The following PRX variants were observed in gnomAD, a reference collection of about 807,000 sequenced individuals.
PRX encodes the protein periaxin.
PRX carries 24 observed loss-of-function variants against 29.6 expected under a neutral mutation model. The observed-to-expected ratio is 0.81, with a 90% CI of 0.59 to 1.14. PRX has a LOEUF of 1.14. Among genes scored for constraint, PRX ranks in the 50% most tolerant of loss-of-function variants. The pLI is 0.00. For synonymous variants in PRX, 772 were observed against 831.7 expected (o/e 0.93, Z 1.24); for missense variants, 1,838 against 1,926.4 (o/e 0.95, Z 0.86).
intron 4 of PRX, among the ~76,000 whole-genome samples, chr19:40,404,689 G>C (rs2145742557): frequency 6.6e-6 from 1 of 152,112 alleles, no homozygotes; most frequent in African/African-American, 2.4e-5. Flanking sequence ...TTCCGCTCCG[G>C]TCTCCCAAGT....
chr19:40,398,447 C>G lies in PRX; in HGVS notation c.381+173G>C. On this transcript the variant is annotated intron_variant, in intron 6 of 6. Coordinates refer to ENST00000324001, the MANE Select transcript of PRX (RefSeq NM_181882.3). This position sits in a 1 kb window ranked among gnomAD's most constrained non-coding sequence, Gnocchi z 6.3. ...CCCTGGGCTGGGGTGGGTCTGTCCC[C>G]CTTCCCGGGGAAGAGTTTGGGGCAG... 2.0e-6 allele frequency: 3 copies of G among 1,516,982 alleles called. No homozygotes were observed. The highest frequency in any genetic ancestry group is 2.6e-6 in the Non-Finnish European group (3 of 1,137,570). The allele number at this position is 1,516,982 out of a possible 1,614,324, so 94.0% of individuals were successfully genotyped here.
In PRX at chr19:40,396,692, T is replaced by C. The variant is rs199629485; in HGVS notation, c.1660A>G (p.Met554Val). 1 of 1,613,926 alleles carries C rather than the reference T, an allele frequency of 6.2e-7. No individual in the cohort carries two copies. Among genetic ancestry groups the C allele is most frequent in the South Asian group, 1.1e-5 (1 of 91,022 alleles). ...ACCTCTGACACCTCTGGGAGTTTCA[T>C]CTCTGACACTTTCGGCAGCTGTACC... ...PEVQLPKVSE[M>V]KLPEVSEVAV... Residue 554 changes from methionine (M) to valine (V), a missense_variant, in exon 7 of 7, where the codon ATG becomes GTG. Coordinates refer to ENST00000324001, the MANE Select transcript of PRX (RefSeq NM_181882.3).
intron 5 of PRX, among the ~76,000 whole-genome samples, chr19:40,400,212 C>G (rs1004852535): frequency 6.9e-6 from 1 of 144,714 alleles, no homozygotes; most frequent in African/African-American, 2.5e-5. Context: ...GAACTCCCGA[C>G]GTCAGGTGAT....
Position 40,395,878 on chromosome 19 carries a change from G to C in PRX, c.2474C>G (p.Ala825Gly), listed in dbSNP as rs1356402303. 1 of 1,614,160 alleles carries C rather than the reference G, an allele frequency of 6.2e-7. No individual in the cohort carries two copies. The highest frequency in any genetic ancestry group is 2.2e-5 in the East Asian group (1 of 44,882). ...TGTTACCAGCTTCCCTGAGACCTCA[G>C]CACCCGCCTCGCCTGGCTTGCCACG... ...PSRGKPGEAG[A>G]EVSGKLVTLP... The change falls in exon 7 of 7, where the codon GCT becomes GGT. Residue 825 changes from alanine (A) to glycine (G), a missense_variant. Coordinates refer to ENST00000324001, the MANE Select transcript of PRX (RefSeq NM_181882.3).
intron 5 of PRX, among the ~76,000 whole-genome samples, chr19:40,402,039 C>T (rs956681180): frequency 6.6e-5 from 10 of 152,142 alleles, no homozygotes; most frequent in African/African-American, 2.4e-4. Context: ...TGCACCCAGC[C>T]AAGCCCACCC....
chr19:40,396,670 T>G lies in PRX; in HGVS notation c.1682A>C (p.Glu561Ala). ...VSEMKLPEVS[E>A]VAVPEVRLPE... The stretch of plus-strand genomic sequence containing the variant: ...AAGCCGCACCTCTGGCACAGCCACC[T>G]CTGACACCTCTGGGAGTTTCATCTC... Residue 561 changes from glutamate (E) to alanine (A), a missense_variant, in exon 7 of 7, where the codon GAG becomes GCG. Coordinates refer to ENST00000324001, the MANE Select transcript of PRX (RefSeq NM_181882.3). The G allele has an allele frequency of 1.9e-6, 3 of 1,613,654 alleles. No homozygotes were observed. Among genetic ancestry groups the G allele is most frequent in the South Asian group, 2.2e-5 (2 of 91,038 alleles).
intron 5 of PRX, among the ~76,000 whole-genome samples, chr19:40,400,382 C>T (rs1234942061): frequency 1.4e-5 from 2 of 144,834 alleles, no homozygotes; most frequent in Non-Finnish European, 3.0e-5. Flanking sequence ...CACCTGAGGT[C>T]GGGAGTTCGA....
Position 40,398,818 on chromosome 19 carries a change from T to G in PRX, c.185-2A>C, listed in dbSNP as rs771929605. ...CTCGGGCACTCAGCAGCTGGTCCCC[T>G]GCGGGCGAGGTGGAGGTGCGCAGCA... On this transcript the variant is annotated splice_acceptor_variant, in intron 5 of 6. Transcript: ENST00000324001. LOFTEE classifies it high-confidence loss of function. This position sits in a 1 kb window ranked among gnomAD's most constrained non-coding sequence, Gnocchi z 6.3. 1.9e-6 allele frequency: 3 copies of G among 1,613,930 alleles called. No individual in the cohort carries two copies. The highest frequency in any genetic ancestry group is 3.3e-5 in the Admixed American group (2 of 60,020).
intron 5 of PRX, among the ~76,000 whole-genome samples, chr19:40,402,790 T>A (rs1413265304): frequency 3.4e-5 from 3 of 87,324 alleles, no homozygotes; most frequent in Admixed American, 2.2e-4. Flanking sequence ...AAAAAAAAAA[T>A]CTCTCCCCAC....
At position 40,396,186 on chromosome 19, in the gene PRX, C is replaced by T; in HGVS notation, c.2166G>A (p.Met722Ile). The change falls in exon 7 of 7, where the codon ATG (methionine) becomes ATA (isoleucine). Residue 722 changes from methionine (M) to isoleucine (I), a missense_variant. Met to Ile is a conservative substitution (Grantham distance 10, BLOSUM62 1). Transcript: ENST00000324001. ...PKVCEMKVPD[M>I]KLPEIKLPKV... is the part of the protein sequence containing the mutation. The stretch of plus-strand genomic sequence containing the variant: ...TGGGGAGTTTTATCTCTGGGAGCTT[C>T]ATGTCAGGGACTTTCATTTCACAGA... The T allele has an allele frequency of 6.2e-7, 1 of 1,612,290 alleles. No homozygotes were observed. The highest frequency in any genetic ancestry group is 1.7e-4 in the Middle Eastern group (1 of 6,054).
In PRX at chr19:40,395,881, C is replaced by T; in HGVS notation, c.2471G>A (p.Gly824Asp). The change falls in exon 7 of 7, where the codon GGT (glycine) becomes GAT (aspartate). Residue 824 changes from glycine to aspartate, a missense_variant. Around this residue, in one of 3 missense-constraint regions of PRX, gnomAD observed 1,143 missense variants for 1,193.0 expected, o/e 0.96. Transcript: ENST00000324001. ...SPSRGKPGEAGAEVSGKLVTL... is the reference protein window; with the variant it reads ...SPSRGKPGEADAEVSGKLVTL... ...TACCAGCTTCCCTGAGACCTCAGCA[C>T]CCGCCTCGCCTGGCTTGCCACGTGA... 3 of 1,614,204 alleles carry T rather than the reference C, an allele frequency of 1.9e-6. No homozygotes were observed. Among genetic ancestry groups the T allele is most frequent in the Non-Finnish European group, 2.5e-6 (3 of 1,180,042 alleles).
rs1390207417 is a variant in PRX, at chr19:40,409,564, C to T, written c.-242-1181G>A. On this transcript the variant is annotated intron_variant, in intron 1 of 6. Coordinates refer to ENST00000324001, the MANE Select transcript of PRX (RefSeq NM_181882.3). Reference sequence around the variant, plus strand: ...TTCGGCTTACTACAACCTCTGCCTCCTGGGTTCAAGTGATTCTCCTGCCTC... The same window carrying T: ...TTCGGCTTACTACAACCTCTGCCTCTTGGGTTCAAGTGATTCTCCTGCCTC... Among the ~76,000 whole-genome samples, 3 of 151,852 alleles carry T rather than the reference C, an allele frequency of 2.0e-5. No individual in the cohort carries two copies. In the East Asian group the frequency reaches 5.8e-4, roughly 29 times the overall value.
Position 40,397,185 on chromosome 19 carries a change from G to A in PRX, c.1167C>T (p.Pro389=), listed in dbSNP as rs1417251724. ...GCCCAAAGGTGGGCATTCGAAGTCT[G>A]GGACCTTTCACCCTGGCCTCAGGGC... ...KVSPEARVKG[P]RLRMPTFGLS... Residue 389 remains proline (P), a synonymous_variant, in exon 7 of 7, where the codon CCC becomes CCT. Coordinates refer to ENST00000324001, the MANE Select transcript of PRX (RefSeq NM_181882.3). The A allele has an allele frequency of 2.0e-5, 33 of 1,614,010 alleles. No individual in the cohort carries two copies. Among genetic ancestry groups the A allele is most frequent in the Non-Finnish European group, 2.7e-5 (32 of 1,179,998 alleles).
chr19:40,398,025 G>C lies in PRX; in HGVS notation c.382-55C>G, dbSNP rs1231563620. 1 of 1,559,144 alleles carries C rather than the reference G, an allele frequency of 6.4e-7. No individual in the cohort carries two copies. Among genetic ancestry groups the C allele is most frequent in the Non-Finnish European group, 8.7e-7 (1 of 1,151,840 alleles). On this transcript the variant is annotated intron_variant, in intron 6 of 6. Coordinates refer to ENST00000324001, the MANE Select transcript of PRX (RefSeq NM_181882.3). The surrounding 1 kb of genome is among the most constrained non-coding windows in gnomAD (Gnocchi z 6.3). ...GTGGGACAGTGGGAGGCTGGGAGTGGACAGGAAGAGCCCCACCTGGTATTG... is the reference window on the plus strand; with the variant it reads ...GTGGGACAGTGGGAGGCTGGGAGTGCACAGGAAGAGCCCCACCTGGTATTG...
chr19:40,395,441 C>T lies in PRX; in HGVS notation c.2911G>A (p.Val971Met). ...KFAISLPKAR[V>M]GAEAEAKGAG... is the part of the protein sequence containing the mutation. ...CCTTTGGCCTCAGCCTCAGCCCCCACCCGAGCCTTGGGGAGTGAGATGGCA... is the reference window on the plus strand; with the variant it reads ...CCTTTGGCCTCAGCCTCAGCCCCCATCCGAGCCTTGGGGAGTGAGATGGCA... Residue 971 changes from valine to methionine, a missense_variant, in exon 7 of 7, where the codon GTG (valine) becomes ATG (methionine). Val to Met is a conservative substitution (Grantham distance 21). This residue lies in a region of PRX where 1,143 missense variants were observed against 1,193.0 expected (regional missense o/e 0.96). Transcript: ENST00000324001. 4 of 1,614,160 alleles carry T rather than the reference C, an allele frequency of 2.5e-6. No individual in the cohort carries two copies. The highest frequency in any genetic ancestry group is 2.5e-6 in the Non-Finnish European group (3 of 1,180,044).
Position 40,394,550 on chromosome 19 carries a change from C to T in PRX, c.3802G>A (p.Ala1268Thr), listed in dbSNP as rs146061247. ...GEGAEEQPPG[A>T]ERTFCLSLPD... ...AGTGAGAGGCAGAAGGTACGCTCGG[C>T]CCCTGGGGGCTGCTCCTCAGCACCC... The change falls in exon 7 of 7, where the codon GCC becomes ACC. Residue 1268 changes from alanine to threonine, a missense_variant. Physicochemically the swap from Ala to Thr is moderately conservative, Grantham distance 58. Transcript: ENST00000324001. The surrounding 1 kb of genome is among the most constrained non-coding windows in gnomAD (Gnocchi z 5.8). 1 of 1,606,650 alleles carries T rather than the reference C, an allele frequency of 6.2e-7. No homozygotes were observed. The highest frequency in any genetic ancestry group is 1.1e-5 in the South Asian group (1 of 90,362).
Position 40,396,869 on chromosome 19 carries a change from C to G in PRX, c.1483G>C (p.Glu495Gln), listed in dbSNP as rs146789340. Residue 495 changes from glutamate to glutamine, a missense_variant, in exon 7 of 7, where the codon GAG (glutamate) becomes CAG (glutamine). By Grantham distance (29) the Glu-to-Gln change is conservative (BLOSUM62 2). Around this residue, in one of 3 missense-constraint regions of PRX, gnomAD observed 29 missense variants for 68.4 expected, o/e 0.42. Coordinates refer to ENST00000324001, the MANE Select transcript of PRX (RefSeq NM_181882.3). ...AVPEVRLPEV[E>Q]LPKVSEMKLP... The stretch of plus-strand genomic sequence containing the variant: ...TTCATCTCTGACACTTTGGGCAGCT[C>G]TACCTCTGGAAGCCGCACCTCCGGC... 7.2e-3 allele frequency: 11,340 copies of G among 1,575,062 alleles called. 140 individuals carry two copies. Among genetic ancestry groups the G allele is most frequent in the South Asian group, 7.8e-3 (701 of 89,546 alleles).
intron 5 of PRX, among the ~76,000 whole-genome samples, chr19:40,401,555 C>T (rs574277640): frequency 6.6e-6 from 1 of 152,242 alleles, no homozygotes; most frequent in South Asian, 2.1e-4. Context: ...TTATAAAGCC[C>T]TCTAAAAAGT....
chr19:40,398,918 C>T lies in PRX; in HGVS notation c.185-102G>A, dbSNP rs1246311968. ...GAGCCCTCGCGGTGAGGACCCGCCCCAAATTTTAGTTTCTCCAATCCCCAG... is the reference window on the plus strand; with the variant it reads ...GAGCCCTCGCGGTGAGGACCCGCCCTAAATTTTAGTTTCTCCAATCCCCAG... On this transcript the variant is annotated intron_variant, in intron 5 of 6. Coordinates refer to ENST00000324001, the MANE Select transcript of PRX (RefSeq NM_181882.3). The surrounding 1 kb of genome is among the most constrained non-coding windows in gnomAD (Gnocchi z 6.3). The T allele has an allele frequency of 5.7e-6, 9 of 1,570,414 alleles. No individual in the cohort carries two copies. Among genetic ancestry groups the T allele is most frequent in the African/African-American group, 5.4e-5 (4 of 73,572 alleles).
Sources: gnomAD v4.1 joint callset for allele counts (sites outside exome capture counted in the v4.1 genomes callset) on GRCh38, gnomAD v4.1.1 for gene constraint, gnomAD v4.1.1 regional missense constraint, Gnocchi (gnomAD v3.1) non-coding constraint, MANE v1.5 for transcripts, NCBI Gene and HGNC (gene_info 2026-07-23, HGNC 2026-07-21) for gene names.